The following CNTNAP2 variants were observed in gnomAD, a reference collection of about 807,000 sequenced individuals.
CNTNAP2 encodes the protein contactin associated protein 2, also known as contactin-associated protein-like 2.
CNTNAP2 carries 98 observed loss-of-function variants against 155.2 expected under a neutral mutation model. That is an observed-to-expected ratio of 0.63 (90% CI 0.54 to 0.75). The LOEUF (loss-of-function observed/expected upper bound fraction) is 0.75, where lower values mean the gene tolerates loss of function less well. CNTNAP2 is among the 30% of genes least tolerant of loss of function. The pLI is 0.00. For synonymous variants in CNTNAP2, 651 were observed against 631.2 expected (o/e 1.03, Z -0.47); for missense variants, 1,727 against 1,688.1 (o/e 1.02, Z -0.40).
chr7:148,198,981 T>C (rs983949937), intron 18 of CNTNAP2, among the ~76,000 whole-genome samples: 1 of 151,510 alleles, frequency 6.6e-6, no homozygotes, highest in Non-Finnish European at 1.5e-5. Flanking sequence ...GAAAATAGGG[T>C]GAGAGAAACA....
chr7:146,561,962 T>A (rs1314515221), intron 1 of CNTNAP2, among the ~76,000 whole-genome samples: 1 of 151,936 alleles, frequency 6.6e-6, no homozygotes, highest in Non-Finnish European at 1.5e-5. Context: ...AGCTATTTTT[T>A]ATATTTTTTT....
intron 1 of CNTNAP2, among the ~76,000 whole-genome samples, chr7:146,602,412 G>C (rs1038590519): frequency 2.0e-5 from 3 of 152,158 alleles, no homozygotes; most frequent in Non-Finnish European, 4.4e-5. Flanking sequence ...TAAGATAAGA[G>C]ATAGAAAGAC....
chr7:148,330,810 G>GATGA (rs1797982938), intron 21 of CNTNAP2, among the ~76,000 whole-genome samples: 1 of 149,550 alleles, frequency 6.7e-6, no homozygotes, highest in South Asian at 2.1e-4. Flanking sequence ...TGGATGGATG[G>GATGA]AGTGGAGTGG....
At chr7:146,198,779 T>C (rs558268656) in intron 1 of CNTNAP2, among the ~76,000 whole-genome samples, 3,128 of 152,244 alleles carry the variant, frequency 0.021, 95 homozygotes, top group African/African-American at 0.066. Flanking sequence ...ATAGAACTTT[T>C]TTTTTTTGTT....
At chr7:147,018,579 TAGAC>T (rs1798766667) in intron 3 of CNTNAP2, among the ~76,000 whole-genome samples, 2 of 152,084 alleles carry the variant, frequency 1.3e-5, no homozygotes, top group Non-Finnish European at 2.9e-5. Flanking sequence ...TTAGTTTTGA[TAGAC>T]AAACTGAAAT....
chr7:146,131,791 G>T (rs1267810917), intron 1 of CNTNAP2, among the ~76,000 whole-genome samples: 3 of 152,082 alleles, frequency 2.0e-5, no homozygotes, highest in African/African-American at 7.2e-5. Context: ...ATCTTGAATT[G>T]TAATTTCCAC....
chr7:146,539,009 C>T (rs557120826), intron 1 of CNTNAP2, among the ~76,000 whole-genome samples: 2 of 152,152 alleles, frequency 1.3e-5, no homozygotes, highest in Admixed American at 6.6e-5. Flanking sequence ...TATTCATACA[C>T]GTAGCCCATT....
rs36020816 is a variant in CNTNAP2, at chr7:148,405,420, A to ATTTTTTTTTTTTTTT, written c.3716-3959_3716-3945dup. 1.3e-3 allele frequency among the ~76,000 whole-genome samples: 83 copies of ATTTTTTTTTTTTTTT among 64,298 alleles called. 17 individuals are homozygous for ATTTTTTTTTTTTTTT. Among genetic ancestry groups the ATTTTTTTTTTTTTTT allele is most frequent in the African/African-American group, 5.0e-3 (63 of 12,648 alleles). The allele number at this position is 64,298 out of a possible 152,430, so 42.2% of individuals were successfully genotyped here. A position where few individuals can be genotyped will look rare whatever the true frequency, so the allele number is the denominator to read the frequency against. ...TCAAGGGAACCAGATTACCATTGTA[A>ATTTTTTTTTTTTTTT]TTTTTTTTTTTTTTTTTTTTTTTTT... is the stretch of plus-strand genomic sequence containing the variant. On this transcript the variant is annotated intron_variant, in intron 22 of 23. Transcript: ENST00000361727.
At chr7:148,306,649 A>G (rs1797496922) in intron 21 of CNTNAP2, among the ~76,000 whole-genome samples, 1 of 151,642 alleles carries the variant, frequency 6.6e-6, no homozygotes, top group South Asian at 2.1e-4. Flanking sequence ...ATCTGTTCTC[A>G]TTTCATGAAA....
At chr7:147,182,209 A>G (rs1021833110) in intron 8 of CNTNAP2, among the ~76,000 whole-genome samples, 1 of 152,070 alleles carries the variant, frequency 6.6e-6, no homozygotes, top group African/African-American at 2.4e-5. Flanking sequence ...TGTCTAAGCA[A>G]AGCCTGTTAA....
At chr7:146,416,332 G>A (rs927487797) in intron 1 of CNTNAP2, among the ~76,000 whole-genome samples, 2 of 151,396 alleles carry the variant, frequency 1.3e-5, no homozygotes, top group South Asian at 4.2e-4. Flanking sequence ...TGTTAAGGAC[G>A]TACATCCACA....
chr7:148,188,063 A>T (rs1369525751), intron 18 of CNTNAP2, among the ~76,000 whole-genome samples: 2 of 152,078 alleles, frequency 1.3e-5, no homozygotes, highest in African/African-American at 2.4e-5. Context: ...TGATTTTTTT[A>T]AATTAAACTT....
intron 3 of CNTNAP2, among the ~76,000 whole-genome samples, chr7:146,944,702 C>A (rs1797125853): frequency 6.6e-6 from 1 of 151,968 alleles, no homozygotes. Flanking sequence ...CACGGTGAAA[C>A]CCCATCTCTA....
intron 1 of CNTNAP2, among the ~76,000 whole-genome samples, chr7:146,607,671 T>C (rs1799070552): frequency 6.6e-6 from 1 of 151,606 alleles, no homozygotes; most frequent in Non-Finnish European, 1.5e-5. Context: ...GAGTTGGGGG[T>C]CTCACTATGT....
chr7:147,524,701 A>G (rs1799287502), intron 11 of CNTNAP2, among the ~76,000 whole-genome samples: 1 of 152,242 alleles, frequency 6.6e-6, no homozygotes, highest in Non-Finnish European at 1.5e-5. Flanking sequence ...ACCTCAAAGC[A>G]GCCCTGACAT....
rs1299268920 is a variant in CNTNAP2 at position 147,104,881 on chromosome 7, T to TATAA, written c.551-3263_551-3262insAATA. On this transcript the variant is annotated intron_variant, in intron 4 of 23. Transcript: ENST00000361727. ...CTTCTCCCTTCCTCCCTCATATATA[T>TATAA]ATATATATATATATATATATATATA... Among the ~76,000 whole-genome samples the TATAA allele has an allele frequency of 4.7e-3, 147 of 31,158 alleles. 3 individuals carry two copies. Among genetic ancestry groups the TATAA allele is most frequent in the African/African-American group, 0.032 (139 of 4,280 alleles). The allele number at this position is 31,158 out of a possible 152,430, so 20.4% of individuals were successfully genotyped here. A position where few individuals can be genotyped will look rare whatever the true frequency, so the allele number is the denominator to read the frequency against.
chr7:147,856,436 C>T (rs1052425686), intron 13 of CNTNAP2, among the ~76,000 whole-genome samples: 8 of 152,202 alleles, frequency 5.3e-5, no homozygotes, highest in East Asian at 1.9e-4. Context: ...TAAATGTGGA[C>T]GGGGAAATGC....
intron 4 of CNTNAP2, among the ~76,000 whole-genome samples, chr7:147,067,289 C>CAA (rs36080849): frequency 4.4e-4 from 30 of 67,900 alleles, no homozygotes; most frequent in African/African-American, 1.0e-3. Context: ...GACTCCGTCT[C>CAA]AAAAAAAAAA....
At chr7:147,824,451 A>T (rs373569334) in intron 13 of CNTNAP2, among the ~76,000 whole-genome samples, 65 of 152,210 alleles carry the variant, frequency 4.3e-4, no homozygotes, top group Middle Eastern at 3.4e-3. Flanking sequence ...AGTTCCAAAT[A>T]CTACAGAATT....
Sources: gnomAD v4.1 joint callset for allele counts (sites outside exome capture counted in the v4.1 genomes callset) on GRCh38, gnomAD v4.1.1 for gene constraint, MANE v1.5 for transcripts, NCBI Gene and HGNC (gene_info 2026-07-23, HGNC 2026-07-21) for gene names.